MAP2K3: variants seen among roughly 807,000 people sequenced by gnomAD.
The protein encoded by MAP2K3 is mitogen-activated protein kinase kinase 3.
Under a neutral mutation model 46.4 loss-of-function variants are expected in MAP2K3, and 30 were observed. That is an observed-to-expected ratio of 0.65 (90% CI 0.48 to 0.88). The LOEUF (loss-of-function observed/expected upper bound fraction) is 0.88. Among genes scored for constraint, MAP2K3 ranks in the 40% least tolerant of loss-of-function variants. MAP2K3 has a pLI of 0.00. For missense variants in MAP2K3, 380 were observed against 464.5 expected (o/e 0.82, Z 1.67); for synonymous variants, 189 against 176.3 (o/e 1.07, Z -0.57).
rs1290334582 is a variant in MAP2K3, at chr17:21,315,137, T to A, written c.*907T>A. 2 of 152,048 alleles carry A rather than the reference T, an allele frequency of 1.3e-5. No homozygotes were observed. Among genetic ancestry groups the A allele is most frequent in the Non-Finnish European group, 2.9e-5 (2 of 68,014 alleles). 9.4% of individuals were successfully genotyped at this position (152,048 alleles called of 1,614,324 possible). A position where few individuals can be genotyped will look rare whatever the true frequency, so the allele number is the denominator to read the frequency against. Reference sequence around the variant, plus strand: ...TTGTTTTTAAAAAAAGAAAATATATTTTTTTGAAAAAACGACTGCCCATCC... The same window carrying A: ...TTGTTTTTAAAAAAAGAAAATATATATTTTTGAAAAAACGACTGCCCATCC... On this transcript the variant is annotated 3_prime_UTR_variant, in exon 12 of 12. Transcript: ENST00000342679.
At chr17:21,301,074 C>T in intron 5 of MAP2K3, 81 bp downstream of exon 5, 2 of 1,607,058 alleles carry the variant, frequency 1.2e-6, no homozygotes, top group Non-Finnish European at 1.7e-6. Context: ...TCAGTCCCTC[C>T]AGTACGCCAG....
chr17:21,308,609 T>A (rs551916842), intron 9 of MAP2K3, among the ~76,000 whole-genome samples: 165 of 8,892 alleles, frequency 0.019, no homozygotes, highest in African/African-American at 0.028. Flanking sequence ...TCAATTAAAA[T>A]TTTTTTTTTT....
intron 3 of MAP2K3, 70 bp downstream of exon 3, chr17:21,298,996 G>A (rs1976434045): frequency 1.2e-6 from 2 of 1,606,158 alleles, no homozygotes; most frequent in Non-Finnish European, 8.5e-7. Flanking sequence ...TGACCCTGCA[G>A]GGCCACTTTG....
chr17:21,309,454 C>T (rs975793342), intron 9 of MAP2K3, among the ~76,000 whole-genome samples: 1 of 152,078 alleles, frequency 6.6e-6, no homozygotes, highest in Non-Finnish European at 1.5e-5. Context: ...AAAATAGAGG[C>T]ACAGTAAGGG....
intron 1 of MAP2K3, among the ~76,000 whole-genome samples, chr17:21,290,161 G>A (rs1975847204): frequency 6.6e-6 from 1 of 152,142 alleles, no homozygotes. Context: ...GCAGGGCTGC[G>A]AGGGGCTGTG....
chr17:21,300,959 A>G lies in MAP2K3; in HGVS notation c.365A>G (p.Tyr122Cys). 6.2e-7 allele frequency: 1 copy of G among 1,614,170 alleles called. No individual in the cohort carries two copies. Among genetic ancestry groups the G allele is most frequent in the Non-Finnish European group, 8.5e-7 (1 of 1,179,980 alleles). The change falls in exon 5 of 12, where the codon TAC becomes TGC. Residue 122 changes from tyrosine (Y) to cysteine (C), a missense_variant. Around this residue, in one of 5 missense-constraint regions of MAP2K3, gnomAD observed 294 missense variants for 275.4 expected, o/e 1.07. Coordinates refer to ENST00000342679, the MANE Select transcript of MAP2K3 (RefSeq NM_145109.3). The part of the protein sequence containing the change: ...DINMRTVDCF[Y>C]TVTFYGALFR... ...AACATGCGCACGGTCGACTGTTTCT[A>G]CACTGTCACCTTCTACGGGGCACTA... is the stretch of plus-strand genomic sequence containing the variant.
Position 21,298,446 on chromosome 17 carries a change from C to G in MAP2K3, c.83C>G (p.Ser28Cys). Residue 28 changes from serine to cysteine, a missense_variant, in exon 2 of 12, where the codon TCC becomes TGC. Coordinates refer to ENST00000342679, the MANE Select transcript of MAP2K3 (RefSeq NM_145109.3). The part of the protein sequence containing the change: ...KSKRKKDLRI[S>C]CMSKPPAPNP... Reference sequence around the variant, plus strand: ...AAGAGGAAGAAGGATCTACGGATATCCTGCATGTCCAAGCCACCCGCACCC... The same window carrying G: ...AAGAGGAAGAAGGATCTACGGATATGCTGCATGTCCAAGCCACCCGCACCC... The G allele has an allele frequency of 6.2e-7, 1 of 1,614,318 alleles. No individual in the cohort carries two copies. The highest frequency in any genetic ancestry group is 8.5e-7 in the Non-Finnish European group (1 of 1,180,060).
At chr17:21,292,839 C>T (rs1976019560) in intron 1 of MAP2K3, among the ~76,000 whole-genome samples, 1 of 152,312 alleles carries the variant, frequency 6.6e-6, no homozygotes, top group African/African-American at 2.4e-5. Flanking sequence ...CTTGGCTCTT[C>T]CTGTCCCTGG....
intron 7 of MAP2K3, 145 bp from the exon 8 acceptor site, chr17:21,304,281 A>T (rs1567671447): frequency 1.4e-6 from 2 of 1,440,704 alleles, no homozygotes; most frequent in Non-Finnish European, 1.9e-6. Flanking sequence ...GACCCTTGGG[A>T]CCCTGGTGCA....
intron 2 of MAP2K3, 119 bp downstream of exon 2, chr17:21,298,598 GC>G: frequency 2.0e-6 from 3 of 1,511,018 alleles, no homozygotes; most frequent in Non-Finnish European, 2.8e-6. Flanking sequence ...GTCCTGGGCA[GC>G]CCCTGCTGTG....
chr17:21,296,266 G>A (rs944531159), intron 1 of MAP2K3: 6 of 1,115,124 alleles, frequency 5.4e-6, no homozygotes, highest in Non-Finnish European at 7.2e-6. Context: ...AAGGTGCAGA[G>A]GAGGGCACCA....
intron 8 of MAP2K3, among the ~76,000 whole-genome samples, chr17:21,304,803 G>C (rs1208970099): frequency 6.6e-6 from 1 of 152,312 alleles, no homozygotes. Context: ...GGACACTGGT[G>C]GGCTGTGCAG....
chr17:21,292,468 C>T (rs1246089363), intron 1 of MAP2K3, among the ~76,000 whole-genome samples: 1 of 152,308 alleles, frequency 6.6e-6, no homozygotes, highest in Admixed American at 6.5e-5. Context: ...ACGATCCTCC[C>T]ACCTCAGCCT....
At chr17:21,310,556 G>T (rs1328752894) in intron 9 of MAP2K3, among the ~76,000 whole-genome samples, 1 of 152,252 alleles carries the variant, frequency 6.6e-6, no homozygotes, top group Admixed American at 6.5e-5. Context: ...CTCTCTTGGC[G>T]TTGGCTTTTT....
chr17:21,290,426 A>G (rs1255482851), intron 1 of MAP2K3, among the ~76,000 whole-genome samples: 2 of 152,290 alleles, frequency 1.3e-5, no homozygotes, highest in Admixed American at 1.3e-4. Flanking sequence ...TGGCTGGGGC[A>G]GACCCCAGGG....
In MAP2K3 at chr17:21,315,141, T is replaced by C. The variant is rs1029145072; in HGVS notation, c.*911T>C. On this transcript the variant is annotated 3_prime_UTR_variant, in exon 12 of 12. Coordinates refer to ENST00000342679, the MANE Select transcript of MAP2K3 (RefSeq NM_145109.3). Reference sequence around the variant, plus strand: ...TTTTAAAAAAAGAAAATATATTTTTTTGAAAAAACGACTGCCCATCCCGGG... The same window carrying C: ...TTTTAAAAAAAGAAAATATATTTTTCTGAAAAAACGACTGCCCATCCCGGG... The C allele has an allele frequency of 6.6e-6, 1 of 152,038 alleles. No individual in the cohort carries two copies. Among genetic ancestry groups the C allele is most frequent in the Non-Finnish European group, 1.5e-5 (1 of 67,996 alleles). 9.4% of individuals were successfully genotyped at this position (152,038 alleles called of 1,614,324 possible).
intron 1 of MAP2K3, among the ~76,000 whole-genome samples, chr17:21,294,715 G>A (rs1280796251): frequency 1.3e-5 from 2 of 152,310 alleles, no homozygotes; most frequent in Admixed American, 6.5e-5. Flanking sequence ...CTGGGGCTGA[G>A]GGTGGTGTTC....
At chr17:21,313,340 G>A in intron 10 of MAP2K3, 152 bp from the exon 11 acceptor site, 2 of 591,140 alleles carry the variant, frequency 3.4e-6, no homozygotes, top group East Asian at 5.6e-5. Context: ...CCTCCACCCT[G>A]GAAGAAGCCC....
At chr17:21,295,055 G>A (rs560540281) in intron 1 of MAP2K3, among the ~76,000 whole-genome samples, 1 of 152,310 alleles carries the variant, frequency 6.6e-6, no homozygotes, top group South Asian at 2.1e-4. Flanking sequence ...GCGCAGTCAG[G>A]CAGCCTCTCT....
Sources: gnomAD v4.1 joint callset for allele counts (sites outside exome capture counted in the v4.1 genomes callset) on GRCh38, gnomAD v4.1.1 for gene constraint, gnomAD v4.1.1 regional missense constraint, MANE v1.5 for transcripts, NCBI Gene and HGNC (gene_info 2026-07-23, HGNC 2026-07-21) for gene names.